MSI2: variants seen among roughly 807,000 people sequenced by gnomAD.
MSI2 encodes the protein RNA-binding protein Musashi homolog 2.
A neutral mutation model predicts 45.6 loss-of-function variants in MSI2; 17 were observed. The observed-to-expected ratio is 0.37, with a 90% CI of 0.26 to 0.56. The LOEUF is 0.56. Ranked by LOEUF, MSI2 falls within the 20% of genes least tolerant of loss-of-function variation. MSI2 has a pLI of 0.77. For synonymous variants in MSI2, 156 were observed against 158.2 expected, an observed-to-expected ratio of 0.99 and a Z score of 0.11; for missense variants, 293 against 444.2, an observed-to-expected ratio of 0.66 and a Z score of 3.06.
At chr17:57,414,850 T>C (rs1486132587) in intron 6 of MSI2, among the ~76,000 whole-genome samples, 1 of 152,186 alleles carries the variant, frequency 6.6e-6, no homozygotes, top group Admixed American at 6.5e-5. Flanking sequence ...AGGGAATATC[T>C]GGGCAGGGTG....
At chr17:57,463,643 C>T (rs2085273645) in intron 6 of MSI2, among the ~76,000 whole-genome samples, 1 of 152,160 alleles carries the variant, frequency 6.6e-6, no homozygotes. Context: ...GCCTTCCAGA[C>T]CCTTCCCTGT....
At chr17:57,503,326 AT>A (rs1054122134) in intron 6 of MSI2, among the ~76,000 whole-genome samples, 1 of 152,192 alleles carries the variant, frequency 6.6e-6, no homozygotes, top group Non-Finnish European at 1.5e-5. Context: ...CATGTGATTT[AT>A]TTTTTTATTA....
intron 6 of MSI2, among the ~76,000 whole-genome samples, chr17:57,424,585 A>T (rs1465206534): frequency 6.6e-6 from 1 of 152,170 alleles, no homozygotes; most frequent in African/African-American, 2.4e-5. Flanking sequence ...GTGTGGTGTG[A>T]GGCTTGGGAG....
At chr17:57,429,397 G>A (rs1197918912) in intron 6 of MSI2, among the ~76,000 whole-genome samples, 1 of 152,172 alleles carries the variant, frequency 6.6e-6, no homozygotes, top group African/African-American at 2.4e-5. Context: ...CTGGGCAAAG[G>A]GTGATGTTTG....
chr17:57,366,811 G>T (rs141078329), intron 5 of MSI2, among the ~76,000 whole-genome samples: 1 of 152,170 alleles, frequency 6.6e-6, no homozygotes, highest in African/African-American at 2.4e-5. Flanking sequence ...GAAATTGCAC[G>T]TAATTTACGG....
At chr17:57,700,851 G>A in the MSI2 span, among the ~76,000 whole-genome samples, 4 of 151,474 alleles carry the variant, frequency 2.6e-5, no homozygotes, top group South Asian at 4.2e-4. Context: ...GCAGTGAGCC[G>A]AGATCATACC....
At chr17:57,455,090 C>T (rs1489924860) in intron 6 of MSI2, among the ~76,000 whole-genome samples, 1 of 152,172 alleles carries the variant, frequency 6.6e-6, no homozygotes, top group Non-Finnish European at 1.5e-5. Flanking sequence ...CATTCAGGTG[C>T]GTGGGAGATG....
chr17:57,618,273 A>C (rs1394654511), intron 9 of MSI2: 1 of 152,036 alleles, frequency 6.6e-6, no homozygotes, highest in African/African-American at 2.4e-5. Context: ...TTGCCTAAGG[A>C]GGGTGAACAG....
intron 6 of MSI2, among the ~76,000 whole-genome samples, chr17:57,507,401 G>A (rs142204287): frequency 6.6e-6 from 1 of 152,004 alleles, no homozygotes; most frequent in Non-Finnish European, 1.5e-5. Flanking sequence ...CCTTTGCTCT[G>A]CGCAGTTTCA....
rs2084111124 is a variant in MSI2, at chr17:57,407,740, G to A, written c.405+6269G>A. ...TGTAGGCTGGACCAGGAAGGACCAT[G>A]CGCACGCTCTTCCCTGGCTGAAGGC... On this transcript the variant is annotated intron_variant, in intron 6 of 13. Transcript: ENST00000284073. This position sits in a 1 kb window ranked among gnomAD's most constrained non-coding sequence, Gnocchi z 4.1. 6.6e-6 allele frequency among the ~76,000 whole-genome samples: 1 copy of A among 152,118 alleles called. No individual in the cohort carries two copies. Among genetic ancestry groups the A allele is most frequent in the Non-Finnish European group, 1.5e-5 (1 of 68,012 alleles).
chr17:57,543,128 G>A (rs8066028), intron 7 of MSI2, among the ~76,000 whole-genome samples: 50,779 of 152,010 alleles, frequency 0.33, 9,576 homozygotes, highest in East Asian at 0.58. Flanking sequence ...CGGAGGTGCA[G>A]GAGCCCTGTC....
At chr17:57,633,940 C>T (rs757788060) in intron 10 of MSI2, among the ~76,000 whole-genome samples, 1 of 152,178 alleles carries the variant, frequency 6.6e-6, no homozygotes, top group Non-Finnish European at 1.5e-5. Flanking sequence ...AGGATTCCTA[C>T]GTGAAGCTAG....
At chr17:57,467,104 C>A (rs2085343800) in intron 6 of MSI2, among the ~76,000 whole-genome samples, 1 of 152,198 alleles carries the variant, frequency 6.6e-6, no homozygotes, top group Non-Finnish European at 1.5e-5. Flanking sequence ...TCTGGGTAGC[C>A]AGAAGCTTAG....
intron 6 of MSI2, among the ~76,000 whole-genome samples, chr17:57,524,240 C>G (rs189391478): frequency 1.8e-4 from 27 of 152,320 alleles, no homozygotes; most frequent in African/African-American, 5.8e-4. Flanking sequence ...TTCCCCCCAC[C>G]GCATTTTATT....
At chr17:57,527,449 C>T (rs538630717) in intron 6 of MSI2, among the ~76,000 whole-genome samples, 10 of 123,422 alleles carry the variant, frequency 8.1e-5, no homozygotes, top group African/African-American at 2.7e-4. Context: ...GTGTGTGGCC[C>T]CAGCAGGTTA....
chr17:57,465,878 C>A (rs1454568285), intron 6 of MSI2, among the ~76,000 whole-genome samples: 2 of 152,160 alleles, frequency 1.3e-5, no homozygotes, highest in Admixed American at 1.3e-4. Flanking sequence ...AACGTTAGCT[C>A]AGCTCTGAGC....
At position 57,643,312 on chromosome 17, in the gene MSI2, A is replaced by G. The variant is rs1910392698; in HGVS notation, c.728-8787A>G. Among the ~76,000 whole-genome samples the G allele has an allele frequency of 1.3e-5, 2 of 152,188 alleles. 1 individual carries two copies. The highest frequency in any genetic ancestry group is 4.1e-4 in the South Asian group (2 of 4,832). ...CTCTCCCTCCGCAGCCCAAGACACC[A>G]CGTTCTGTTGTGGAGACAGGTTGAG... On this transcript the variant is annotated intron_variant, in intron 10 of 13. Coordinates refer to ENST00000284073, the MANE Select transcript of MSI2 (RefSeq NM_138962.4).
intron 7 of MSI2, among the ~76,000 whole-genome samples, chr17:57,533,811 C>T (rs1030201506): frequency 6.6e-6 from 1 of 152,188 alleles, no homozygotes; most frequent in African/African-American, 2.4e-5. Flanking sequence ...TCATTGGGTG[C>T]AGCCCACCCT....
chr17:57,529,514 G>GT lies in MSI2; in HGVS notation c.406-153dup, dbSNP rs55990806. Among the ~76,000 whole-genome samples, 99,148 of 150,900 alleles carry GT rather than the reference G, an allele frequency of 0.66. 34,069 individuals are homozygous for GT. The highest frequency in any genetic ancestry group is 0.88 in the African/African-American group (36,281 of 41,100). On this transcript the variant is annotated intron_variant, in intron 6 of 13. Coordinates refer to ENST00000284073, the MANE Select transcript of MSI2 (RefSeq NM_138962.4). The surrounding 1 kb of genome is among the most constrained non-coding windows in gnomAD (Gnocchi z 5.3). ...AACGGTGTGGAGTGGAAAGACCACT[G>GT]TTTTTTTTTCTTTCTACTTTTTTGC...
Sources: gnomAD v4.1 joint callset for allele counts (sites outside exome capture counted in the v4.1 genomes callset) on GRCh38, gnomAD v4.1.1 for gene constraint, Gnocchi (gnomAD v3.1) non-coding constraint, MANE v1.5 for transcripts, NCBI Gene and HGNC (gene_info 2026-07-23, HGNC 2026-07-21) for gene names.